The following LAMC2 variants were observed in gnomAD, a reference collection of about 807,000 sequenced individuals.
LAMC2 encodes laminin subunit gamma 2.
LAMC2 carries 97 observed loss-of-function variants against 140.2 expected under a neutral mutation model. The ratio of observed to expected loss-of-function variants is 0.69; its 90% CI spans 0.59 to 0.82. The LOEUF (loss-of-function observed/expected upper bound fraction) is 0.82. Ranked by LOEUF, LAMC2 falls within the 40% of genes least tolerant of loss-of-function variation. LAMC2 has a pLI of 0.00. For synonymous variants in LAMC2, 513 were observed against 540.2 expected, an observed-to-expected ratio of 0.95 and a Z score of 0.70; for missense variants, 1,402 against 1,476.1, an observed-to-expected ratio of 0.95 and a Z score of 0.82.
At chr1:183,191,136 A>G (rs1658317525) in intron 1 of LAMC2, among the ~76,000 whole-genome samples, 1 of 152,256 alleles carries the variant, frequency 6.6e-6, no homozygotes, top group Non-Finnish European at 1.5e-5. Context: ...TTTTTACAAT[A>G]AAGTAATTGA....
chr1:183,252,878 G>A, the LAMC2 span: 147,241 of 630,398 alleles, frequency 0.23, 21,284 homozygotes, highest in African/African-American at 0.48. Context: ...TATTAGGAAA[G>A]GCCCTCTTGC....
intron 11 of LAMC2, among the ~76,000 whole-genome samples, chr1:183,230,256 C>G (rs531840757): frequency 6.6e-6 from 1 of 152,110 alleles, no homozygotes; most frequent in African/African-American, 2.4e-5. Flanking sequence ...TCCCAACTCT[C>G]GAAGAGTCCG....
chr1:183,208,213 A>C, intron 2 of LAMC2, 144 bp downstream of exon 2: 2 of 780,578 alleles, frequency 2.6e-6, no homozygotes, highest in Non-Finnish European at 4.3e-6. Context: ...CAAGAGGGAG[A>C]TGTTCAACCT....
chr1:183,238,671 A>C (rs1263814312), intron 19 of LAMC2, among the ~76,000 whole-genome samples: 1 of 152,214 alleles, frequency 6.6e-6, no homozygotes, highest in African/African-American at 2.4e-5. Context: ...TAGCTGTGTG[A>C]CCATAGGCAA....
chr1:183,256,809 G>C, the LAMC2 span, among the ~76,000 whole-genome samples: 1 of 152,110 alleles, frequency 6.6e-6, no homozygotes, highest in South Asian at 2.1e-4. Flanking sequence ...GAGTGCAGCA[G>C]CGCATGATCT....
chr1:183,237,308 C>T (rs765653268), intron 17 of LAMC2, 44 bp from the exon 18 acceptor site: 3 of 1,611,242 alleles, frequency 1.9e-6, no homozygotes, highest in Non-Finnish European at 2.5e-6. Flanking sequence ...GGTGTGGTAA[C>T]TGGTAAGCAG....
the LAMC2 span, among the ~76,000 whole-genome samples, chr1:183,254,535 T>G: frequency 6.6e-6 from 1 of 152,116 alleles, no homozygotes; most frequent in Non-Finnish European, 1.5e-5. Flanking sequence ...ACTCCTGGGC[T>G]CAAGCAATCC....
At chr1:183,218,319 GT>G in intron 3 of LAMC2, 70 bp from the exon 4 acceptor site, 1 of 1,234,800 alleles carries the variant, frequency 8.1e-7, no homozygotes, top group Non-Finnish European at 1.2e-6. Flanking sequence ...CTCATGAGCA[GT>G]TGATTTTTAT....
chr1:183,188,557 G>T (rs1320805794), intron 1 of LAMC2, among the ~76,000 whole-genome samples: 1 of 152,220 alleles, frequency 6.6e-6, no homozygotes, highest in African/African-American at 2.4e-5. Flanking sequence ...GTAATACTTG[G>T]TGTCTGCTTC....
chr1:183,238,675 T>C (rs138880161), intron 19 of LAMC2, among the ~76,000 whole-genome samples: 138 of 152,350 alleles, frequency 9.1e-4, no homozygotes, highest in African/African-American at 3.2e-3. Context: ...TGTGTGACCA[T>C]AGGCAAGTCA....
chr1:183,188,689 A>T (rs2102159178), intron 1 of LAMC2, among the ~76,000 whole-genome samples: 1 of 152,368 alleles, frequency 6.6e-6, no homozygotes, highest in Admixed American at 6.5e-5. Flanking sequence ...CAAAGCCAAC[A>T]GTACAGTGTA....
chr1:183,220,678 G>T, intron 4 of LAMC2, 147 bp from the exon 5 acceptor site: 2 of 755,538 alleles, frequency 2.6e-6, no homozygotes, highest in African/African-American at 1.7e-5. Context: ...GGGGGTGGGG[G>T]TGATATGCAA....
intron 8 of LAMC2, 141 bp from the exon 9 acceptor site, chr1:183,226,557 C>A: frequency 2.6e-6 from 2 of 758,090 alleles, no homozygotes; most frequent in South Asian, 3.0e-5. Flanking sequence ...GGGAGACTGC[C>A]ATACCTCTCT....
downstream of LAMC2, chr1:183,248,449 A>G (rs904600121): frequency 6.6e-6 from 1 of 152,636 alleles, no homozygotes; most frequent in African/African-American, 2.4e-5. Context: ...GATTCAAAAA[A>G]GCTTCCCCCT....
chr1:183,256,811 G>A, the LAMC2 span, among the ~76,000 whole-genome samples: 7 of 152,040 alleles, frequency 4.6e-5, no homozygotes, highest in East Asian at 1.9e-4. Flanking sequence ...GTGCAGCAGC[G>A]CATGATCTCA....
chr1:183,202,670 TC>T (rs1268742306), intron 1 of LAMC2, among the ~76,000 whole-genome samples: 1 of 152,202 alleles, frequency 6.6e-6, no homozygotes, highest in Non-Finnish European at 1.5e-5. Context: ...CTACCCTCCT[TC>T]CCACCCATCT....
rs993595991 is a variant in LAMC2 at position 183,228,964 on chromosome 1, G to T, written c.1714+345G>T. ...GAAGTGGCTGCCAAACCTGTTGTAG[G>T]AGAGTAATAAATGACTTGAGAGTAA... On this transcript the variant is annotated intron_variant, in intron 11 of 22. Transcript: ENST00000264144. The surrounding 1 kb of genome is among the most constrained non-coding windows in gnomAD (Gnocchi z 4.3). Among the ~76,000 whole-genome samples, 1 of 152,220 alleles carries T rather than the reference G, an allele frequency of 6.6e-6. No individual in the cohort carries two copies. The highest frequency in any genetic ancestry group is 2.4e-5 in the African/African-American group (1 of 41,462).
At chr1:183,218,196 G>T (rs1659337315) in intron 3 of LAMC2, among the ~76,000 whole-genome samples, 194 bp from the exon 4 acceptor site, 1 of 152,232 alleles carries the variant, frequency 6.6e-6, no homozygotes, top group African/African-American at 2.4e-5. Context: ...AGTACACTCT[G>T]AGCAGCACTG....
intron 2 of LAMC2, among the ~76,000 whole-genome samples, chr1:183,209,899 C>A (rs1189632354): frequency 1.3e-5 from 2 of 152,104 alleles, no homozygotes; most frequent in Non-Finnish European, 2.9e-5. Flanking sequence ...CTGGCTCCTT[C>A]TTTTTATTTG....
Sources: gnomAD v4.1 joint callset for allele counts (sites outside exome capture counted in the v4.1 genomes callset) on GRCh38, gnomAD v4.1.1 for gene constraint, Gnocchi (gnomAD v3.1) non-coding constraint, MANE v1.5 for transcripts, NCBI Gene and HGNC (gene_info 2026-07-23, HGNC 2026-07-21) for gene names.